ALDH1L2: variants seen among roughly 807,000 people sequenced by gnomAD.
ALDH1L2 encodes aldehyde dehydrogenase 1 family member L2.
A neutral mutation model predicts 111.0 loss-of-function variants in ALDH1L2; 91 were observed. The ratio of observed to expected loss-of-function variants is 0.82; its 90% CI spans 0.69 to 0.98. The LOEUF (loss-of-function observed/expected upper bound fraction) is 0.98. Among genes scored for constraint, ALDH1L2 ranks in the 50% least tolerant of loss-of-function variants. The pLI, the probability that ALDH1L2 is intolerant of heterozygous loss-of-function variation, is 0.00. For missense variants in ALDH1L2, 995 were observed against 1,126.8 expected (o/e 0.88, Z 1.67); for synonymous variants, 374 against 392.6 (o/e 0.95, Z 0.56).
At chr12:105,032,939 C>T (rs1874787686) in intron 19 of ALDH1L2, among the ~76,000 whole-genome samples, 1 of 152,160 alleles carries the variant, frequency 6.6e-6, no homozygotes, top group South Asian at 2.1e-4. Context: ...GAAAAATAAT[C>T]TTTACTGCAC....
chr12:105,058,357 A>G (rs1876770415), intron 9 of ALDH1L2, 137 bp from the exon 10 acceptor site: 10 of 812,468 alleles, frequency 1.2e-5, no homozygotes, highest in Non-Finnish European at 1.6e-5. Flanking sequence ...ATCTTCTGTG[A>G]TACTCATCAG....
intron 22 of ALDH1L2, among the ~76,000 whole-genome samples, chr12:105,025,551 G>C (rs535754900): frequency 6.6e-6 from 1 of 152,162 alleles, no homozygotes; most frequent in South Asian, 2.1e-4. Flanking sequence ...TGGAAAAGTT[G>C]GGGGGGAAGC....
chr12:105,036,942 G>A (rs1295541293), intron 18 of ALDH1L2, among the ~76,000 whole-genome samples: 3 of 152,012 alleles, frequency 2.0e-5, no homozygotes, highest in South Asian at 2.1e-4. Context: ...GGCCCTGGCC[G>A]CAGGGGTACT....
chr12:105,078,932 G>A (rs1426853663), intron 1 of ALDH1L2, among the ~76,000 whole-genome samples: 2 of 152,196 alleles, frequency 1.3e-5, no homozygotes, highest in Non-Finnish European at 2.9e-5. Flanking sequence ...GAGTTAAGGA[G>A]TGGTGACAAG....
intron 1 of ALDH1L2, among the ~76,000 whole-genome samples, chr12:105,080,143 A>G (rs1878268269): frequency 6.6e-6 from 1 of 152,234 alleles, no homozygotes; most frequent in African/African-American, 2.4e-5. Flanking sequence ...TATTTTTCTC[A>G]GATACCTACA....
chr12:105,078,006 C>T (rs929373369), intron 1 of ALDH1L2, among the ~76,000 whole-genome samples: 4 of 152,280 alleles, frequency 2.6e-5, no homozygotes, highest in African/African-American at 9.6e-5. Context: ...GTGCCCCAAA[C>T]TGTGCCTGAC....
chr12:105,058,439 T>C (rs770186796), intron 9 of ALDH1L2, among the ~76,000 whole-genome samples: 2 of 152,244 alleles, frequency 1.3e-5, no homozygotes, highest in Non-Finnish European at 2.9e-5. Flanking sequence ...TTTAAAACTT[T>C]ATCCATGACT....
intron 21 of ALDH1L2, among the ~76,000 whole-genome samples, chr12:105,029,296 G>A (rs1490349834): frequency 6.6e-6 from 1 of 152,132 alleles, no homozygotes; most frequent in Non-Finnish European, 1.5e-5. Flanking sequence ...GCAAAGTGTT[G>A]GGATTACAGG....
intron 6 of ALDH1L2, 70 bp downstream of exon 6, chr12:105,065,197 T>G: frequency 2.2e-6 from 2 of 906,904 alleles, no homozygotes; most frequent in Non-Finnish European, 3.3e-6. Context: ...AAGCCCAGAT[T>G]TATCTGTAAT....
At position 105,024,115 on chromosome 12, in the gene ALDH1L2, A is replaced by G. The variant is rs1874293312; in HGVS notation, c.*309T>C. 3 of 470,400 alleles carry G rather than the reference A, an allele frequency of 6.4e-6. No individual in the cohort carries two copies. The highest frequency in any genetic ancestry group is 3.9e-5 in the East Asian group (1 of 25,428). 29.1% of individuals were successfully genotyped at this position (470,400 alleles called of 1,614,324 possible). A position where few individuals can be genotyped will look rare whatever the true frequency, so the allele number is the denominator to read the frequency against. On this transcript the variant is annotated 3_prime_UTR_variant, in exon 23 of 23. Transcript: ENST00000258494. ...ACCTTGTGTATTATAACTGCATGGT[A>G]CTGACATCTTCAAGATGGGAACCAT...
chr12:105,052,305 G>T, intron 11 of ALDH1L2, 88 bp from the exon 12 acceptor site: 1 of 1,296,756 alleles, frequency 7.7e-7, no homozygotes, highest in Non-Finnish European at 1.0e-6. Context: ...AAAAAATAGA[G>T]TATTACTGAT....
chr12:105,083,719 T>A (rs1000176813), intron 1 of ALDH1L2, among the ~76,000 whole-genome samples: 1 of 152,174 alleles, frequency 6.6e-6, no homozygotes, highest in Non-Finnish European at 1.5e-5. Flanking sequence ...CTCGGTTCCA[T>A]TTCTGGAGGA....
intron 21 of ALDH1L2, among the ~76,000 whole-genome samples, chr12:105,028,789 G>A (rs17036606): frequency 0.034 from 5,111 of 152,196 alleles, 217 homozygotes; most frequent in East Asian, 0.14. Flanking sequence ...AGCATATATT[G>A]ATGGCAGCAG....
chr12:105,084,267 G>C lies in ALDH1L2; in HGVS notation c.48+122C>G, dbSNP rs561184587. ...GTTTGTTTGTTTTAAACGCTGTCTTGGTGTTTAGCAAAGTCTAAGCATCGC... is the reference window on the plus strand; with the variant it reads ...GTTTGTTTGTTTTAAACGCTGTCTTCGTGTTTAGCAAAGTCTAAGCATCGC... On this transcript the variant is annotated intron_variant, in intron 1 of 22. Transcript: ENST00000258494. 34 of 1,119,136 alleles carry C rather than the reference G, an allele frequency of 3.0e-5. No homozygotes were observed. The African/African-American group carries it at 5.6e-4, about 18-fold the overall frequency. 69.3% of individuals were successfully genotyped at this position (1,119,136 alleles called of 1,614,324 possible).
chr12:105,031,909 A>G lies in ALDH1L2; in HGVS notation c.2270T>C (p.Ile757Thr), dbSNP rs780508260. The G allele has an allele frequency of 3.9e-5, 63 of 1,613,872 alleles. No individual in the cohort carries two copies. The highest frequency in any genetic ancestry group is 1.6e-4 in the East Asian group (7 of 44,888). ...RVVEEIKKMK[I>T]GDPLDRSTDH... Reference sequence around the variant, plus strand: ...AGTGGATCTGTCAAGTGGATCACCAATTTTCATCTTTTTAATTTCTTCTAC... The same window carrying G: ...AGTGGATCTGTCAAGTGGATCACCAGTTTTCATCTTTTTAATTTCTTCTAC... Residue 757 changes from isoleucine (I) to threonine (T), a missense_variant, in exon 20 of 23, where the codon ATT (isoleucine) becomes ACT (threonine). Ile to Thr is a moderately conservative substitution (Grantham distance 89, BLOSUM62 -1). Coordinates refer to ENST00000258494, the MANE Select transcript of ALDH1L2 (RefSeq NM_001034173.4).
intron 15 of ALDH1L2, among the ~76,000 whole-genome samples, chr12:105,045,482 T>G (rs936151077): frequency 2.2e-4 from 28 of 128,044 alleles, no homozygotes; most frequent in African/African-American, 7.4e-4. Flanking sequence ...TCTCTCTACA[T>G]ATACATAATG....
intron 4 of ALDH1L2, among the ~76,000 whole-genome samples, chr12:105,067,609 C>T (rs572429675): frequency 3.3e-5 from 5 of 152,268 alleles, no homozygotes; most frequent in East Asian, 3.9e-4. Context: ...GTTATATTTA[C>T]GTTTGCCTTG....
Position 105,022,009 on chromosome 12 carries a change from G to A in ALDH1L2, c.*2415C>T, listed in dbSNP as rs1005333120. The A allele has an allele frequency of 6.6e-6, 1 of 152,202 alleles. No individual in the cohort carries two copies. Among genetic ancestry groups the A allele is most frequent in the Admixed American group, 6.5e-5 (1 of 15,274 alleles). 9.4% of individuals were successfully genotyped at this position (152,202 alleles called of 1,614,324 possible). On this transcript the variant is annotated 3_prime_UTR_variant, in exon 23 of 23. Transcript: ENST00000258494. The stretch of plus-strand genomic sequence containing the variant: ...AAAGTGTCCACACCTCCCGATTCAG[G>A]TGATAATAAGATCACAGCTTCATCC...
intron 11 of ALDH1L2, 138 bp from the exon 12 acceptor site, chr12:105,052,355 C>T (rs1348088625): frequency 1.2e-6 from 1 of 867,712 alleles, no homozygotes; most frequent in African/African-American, 1.8e-5. Flanking sequence ...ATATCTAGTA[C>T]TACAGTAAAG....
Sources: gnomAD v4.1 joint callset for allele counts (sites outside exome capture counted in the v4.1 genomes callset) on GRCh38, gnomAD v4.1.1 for gene constraint, MANE v1.5 for transcripts, NCBI Gene and HGNC (gene_info 2026-07-23, HGNC 2026-07-21) for gene names.